MALRD1: variants seen among roughly 807,000 people sequenced by gnomAD.
MALRD1 encodes the protein MAM and LDL-receptor class A domain-containing protein 1.
In MALRD1, 247 loss-of-function variants were observed where a neutral mutation model predicts 242.1. The ratio of observed to expected loss-of-function variants is 1.02; its 90% CI spans 0.92 to 1.13. The LOEUF (loss-of-function observed/expected upper bound fraction) is 1.13. Among genes scored for constraint, MALRD1 ranks in the 50% most tolerant of loss-of-function variants. The probability of loss-of-function intolerance (pLI) is 0.00; values close to 1 mark genes in which losing one functional copy is unlikely to be tolerated. For synonymous variants in MALRD1, 995 were observed against 866.6 expected (o/e 1.15, Z -2.60); for missense variants, 2,989 against 2,533.1 (o/e 1.18, Z -3.86).
In MALRD1 at chr10:19,491,540, C is replaced by T. The variant is rs1226656784; in HGVS notation, c.5053C>T (p.Pro1685Ser). 7 of 1,550,008 alleles carry T rather than the reference C, an allele frequency of 4.5e-6. No individual in the cohort carries two copies. Among genetic ancestry groups the T allele is most frequent in the Non-Finnish European group, 6.1e-6 (7 of 1,146,820 alleles). The change falls in exon 30 of 40, where the codon CCG (proline) becomes TCG (serine). Residue 1685 changes from proline (P) to serine (S), a missense_variant. Transcript: ENST00000454679. ...TTVGEISELC[P>S]EITDFLCRDK... ...AGTGGGAGAGATCTCTGAGCTTTGT[C>T]CGGAAATCACTGATTTTTTGTGCCG... is the stretch of plus-strand genomic sequence containing the variant.
At chr10:19,645,341 C>G (rs1840602571) in intron 36 of MALRD1, among the ~76,000 whole-genome samples, 1 of 152,160 alleles carries the variant, frequency 6.6e-6, no homozygotes, top group Admixed American at 6.5e-5. Flanking sequence ...GGGTCTAGAA[C>G]TAGAAATACC....
chr10:19,125,374 TTTCTTTCCTTCC>T (rs1564408150), intron 7 of MALRD1, among the ~76,000 whole-genome samples: 25 of 105,656 alleles, frequency 2.4e-4, no homozygotes, highest in Admixed American at 3.9e-4. Context: ...TCTTTCTTTC[TTTCTTTCCTTCC>T]TTCCTTCCTT....
At chr10:19,551,420 A>G (rs926183074) in intron 32 of MALRD1, among the ~76,000 whole-genome samples, 1 of 152,152 alleles carries the variant, frequency 6.6e-6, no homozygotes, top group African/African-American at 2.4e-5. Flanking sequence ...TTGCTGGTAT[A>G]TAGGAACGCT....
intron 20 of MALRD1, among the ~76,000 whole-genome samples, chr10:19,281,899 G>A (rs1588844042): frequency 6.6e-6 from 1 of 150,932 alleles, no homozygotes; most frequent in Non-Finnish European, 1.5e-5. Context: ...GCTTGAGCCT[G>A]GGAGGGGGAG....
chr10:19,319,102 G>A (rs1842818194), intron 21 of MALRD1, among the ~76,000 whole-genome samples: 1 of 151,750 alleles, frequency 6.6e-6, no homozygotes, highest in South Asian at 2.1e-4. Flanking sequence ...TTGACTGGTT[G>A]GCCTTTACAT....
chr10:19,287,134 C>T (rs567110016), intron 21 of MALRD1, among the ~76,000 whole-genome samples: 1 of 152,028 alleles, frequency 6.6e-6, no homozygotes, highest in Non-Finnish European at 1.5e-5. Flanking sequence ...CTAAAAGTGT[C>T]AAAGAGAATT....
intron 36 of MALRD1, among the ~76,000 whole-genome samples, chr10:19,672,977 G>A (rs1399780704): frequency 6.6e-6 from 1 of 152,154 alleles, no homozygotes; most frequent in African/African-American, 2.4e-5. Context: ...CTTAAGTACA[G>A]TGCTCTTTGG....
In MALRD1 at chr10:19,402,446, C is replaced by T. The variant is rs1188599954; in HGVS notation, c.4845+12837C>T. Among the ~76,000 whole-genome samples the T allele has an allele frequency of 2.0e-5, 3 of 152,194 alleles. No homozygotes were observed. The East Asian group carries it at 5.8e-4, about 30-fold the overall frequency. On this transcript the variant is annotated intron_variant, in intron 28 of 39. Coordinates refer to ENST00000454679, the MANE Select transcript of MALRD1 (RefSeq NM_001142308.3). Reference sequence around the variant, plus strand: ...CAGGAGATCCAGTGGTTTTATAAATCGGAGCACAAGCTCTCCTGCCTGCCA... The same window carrying T: ...CAGGAGATCCAGTGGTTTTATAAATTGGAGCACAAGCTCTCCTGCCTGCCA...
At chr10:19,278,876 T>C (rs1840668318) in intron 19 of MALRD1, among the ~76,000 whole-genome samples, 1 of 152,150 alleles carries the variant, frequency 6.6e-6, no homozygotes, top group Non-Finnish European at 1.5e-5. Flanking sequence ...CAAATTGATA[T>C]AATAAGCAAA....
intron 19 of MALRD1, among the ~76,000 whole-genome samples, chr10:19,261,101 A>G (rs1839727100): frequency 6.6e-6 from 1 of 152,192 alleles, no homozygotes; most frequent in African/African-American, 2.4e-5. Context: ...AAAAGAACAC[A>G]GAAAAGAAAC....
chr10:19,724,037 A>G (rs144402429), intron 38 of MALRD1, among the ~76,000 whole-genome samples: 1,914 of 152,340 alleles, frequency 0.013, 37 homozygotes, highest in African/African-American at 0.039. Flanking sequence ...AAGCCTGGAC[A>G]ACAGAGTGAG....
intron 33 of MALRD1, among the ~76,000 whole-genome samples, chr10:19,587,352 G>A (rs1193673759): frequency 6.6e-6 from 1 of 152,160 alleles, no homozygotes; most frequent in Non-Finnish European, 1.5e-5. Flanking sequence ...CATTTTTACT[G>A]TCTATATCAC....
rs756211363 is a variant in MALRD1 at position 19,292,080 on chromosome 10, C to CAAAAAA, written c.3419+8916_3419+8921dup. Among the ~76,000 whole-genome samples the CAAAAAA allele has an allele frequency of 7.0e-4, 62 of 88,004 alleles. 2 individuals are homozygous for CAAAAAA. Among genetic ancestry groups the CAAAAAA allele is most frequent in the East Asian group, 6.0e-3 (17 of 2,854 alleles). 57.7% of individuals were successfully genotyped at this position (88,004 alleles called of 152,430 possible). A position where few individuals can be genotyped will look rare whatever the true frequency, so the allele number is the denominator to read the frequency against. On this transcript the variant is annotated intron_variant, in intron 21 of 39. Coordinates refer to ENST00000454679, the MANE Select transcript of MALRD1 (RefSeq NM_001142308.3). ...CCTGGATGACAGAGCAAGACCGTCT[C>CAAAAAA]AAAAAAAAAAAAAAAAAAAAAATCA...
Position 19,155,082 on chromosome 10 carries a change from T to C in MALRD1, c.1566T>C (p.Phe522=). ...DHTANINHGS[F]IYLEAQRSPG... ...TTCCCTTTGTTTTTTCAGGATCGTT[T>C]ATTTATTTGGAGGCACAGCGCTCCC... Residue 522 remains phenylalanine (F), a synonymous_variant, in exon 12 of 40, where the codon TTT becomes TTC. Transcript: ENST00000454679. 8.1e-7 allele frequency: 1 copy of C among 1,231,500 alleles called. No individual in the cohort carries two copies. The highest frequency in any genetic ancestry group is 1.0e-6 in the Non-Finnish European group (1 of 987,814). 76.3% of individuals were successfully genotyped at this position (1,231,500 alleles called of 1,614,324 possible).
intron 38 of MALRD1, among the ~76,000 whole-genome samples, chr10:19,692,960 C>T (rs1299557124): frequency 6.7e-6 from 1 of 149,018 alleles, no homozygotes; most frequent in Non-Finnish European, 1.5e-5. Context: ...ATAAACAGAA[C>T]CAAAGACAAA....
At chr10:19,592,585 A>G (rs1837854517) in intron 33 of MALRD1, among the ~76,000 whole-genome samples, 1 of 152,220 alleles carries the variant, frequency 6.6e-6, no homozygotes, top group Admixed American at 6.5e-5. Flanking sequence ...GGACAAGCCC[A>G]ATGGCGACCT....
chr10:19,727,987 C>G (rs150681996), intron 38 of MALRD1, among the ~76,000 whole-genome samples: 448 of 152,162 alleles, frequency 2.9e-3, no homozygotes, highest in African/African-American at 0.01. Flanking sequence ...GTGACACTAG[C>G]AATTTCCTTC....
At chr10:19,544,275 C>T (rs1188987406) in intron 32 of MALRD1, among the ~76,000 whole-genome samples, 1 of 152,078 alleles carries the variant, frequency 6.6e-6, no homozygotes, top group Non-Finnish European at 1.5e-5. Flanking sequence ...GCAACTTCTG[C>T]CTCCTGGGCT....
intron 10 of MALRD1, among the ~76,000 whole-genome samples, chr10:19,137,149 T>C (rs1438542029): frequency 1.3e-5 from 2 of 152,160 alleles, no homozygotes; most frequent in Non-Finnish European, 2.9e-5. Flanking sequence ...TTATTGTGTA[T>C]GCTTTTTTCC....
Sources: allele counts gnomAD v4.1 joint callset (sites outside exome capture counted in the v4.1 genomes callset), GRCh38; gene constraint gnomAD v4.1.1; transcripts MANE v1.5; gene names NCBI Gene and HGNC (gene_info 2026-07-23, HGNC 2026-07-21).